Variants in KCNB2 observed in about 807,000 individuals in gnomAD.
KCNB2 encodes delayed rectifier potassium channel protein.
KCNB2 carries 15 observed loss-of-function variants against 61.5 expected under a neutral mutation model. The observed-to-expected ratio is 0.24, with a 90% confidence interval of 0.16 to 0.38. The LOEUF (loss-of-function observed/expected upper bound fraction) is 0.38. Ranked by LOEUF, KCNB2 falls within the 10% of genes least tolerant of loss-of-function variation. The pLI is 1.00. For missense variants in KCNB2, 828 were observed against 1,125.2 expected, an observed-to-expected ratio of 0.74 and a Z score of 3.78; for synonymous variants, 457 against 446.0, an observed-to-expected ratio of 1.02 and a Z score of -0.31.
chr8:72,897,346 C>T (rs1441920843), intron 2 of KCNB2, among the ~76,000 whole-genome samples: 1 of 152,122 alleles, frequency 6.6e-6, no homozygotes, highest in East Asian at 1.9e-4. Flanking sequence ...GATCCTAACT[C>T]ATCCAGTTTA....
chr8:72,599,342 AT>A (rs1446408598), intron 2 of KCNB2, among the ~76,000 whole-genome samples: 1 of 152,234 alleles, frequency 6.6e-6, no homozygotes, highest in African/African-American at 2.4e-5. Flanking sequence ...AAAACAAGCA[AT>A]TGGGAAAGGA....
intron 2 of KCNB2, among the ~76,000 whole-genome samples, chr8:72,663,383 T>C (rs1280175036): frequency 6.6e-6 from 1 of 151,960 alleles, no homozygotes; most frequent in Admixed American, 6.6e-5. Context: ...TTGTGGTAGA[T>C]CTTGGGTAGC....
At chr8:72,624,642 CATTT>C (rs1805761799) in intron 2 of KCNB2, among the ~76,000 whole-genome samples, 1 of 152,126 alleles carries the variant, frequency 6.6e-6, no homozygotes, top group South Asian at 2.1e-4. Context: ...AGTCTGCATT[CATTT>C]GTTTGGTCAA....
intron 2 of KCNB2, among the ~76,000 whole-genome samples, chr8:72,589,301 C>CTA (rs1218740881): frequency 1.3e-5 from 2 of 151,584 alleles, no homozygotes; most frequent in Non-Finnish European, 2.9e-5. Flanking sequence ...TATGTGTCGT[C>CTA]TATTGTCTGT....
At chr8:72,916,550 C>T (rs1806404539) in intron 2 of KCNB2, among the ~76,000 whole-genome samples, 1 of 152,212 alleles carries the variant, frequency 6.6e-6, no homozygotes, top group Non-Finnish European at 1.5e-5. Flanking sequence ...GCTGTTTTAA[C>T]TTTACTGTCT....
chr8:72,736,401 C>T (rs764559488), intron 2 of KCNB2, among the ~76,000 whole-genome samples: 1 of 152,002 alleles, frequency 6.6e-6, no homozygotes, highest in Non-Finnish European at 1.5e-5. Flanking sequence ...TTGGTTTTAT[C>T]CCAAGAGTTG....
intron 2 of KCNB2, among the ~76,000 whole-genome samples, chr8:72,807,553 C>T (rs1809245064): frequency 6.6e-6 from 1 of 152,198 alleles, no homozygotes; most frequent in Non-Finnish European, 1.5e-5. Flanking sequence ...ATCAGACTAA[C>T]CTTGCTTGGA....
At chr8:72,657,644 T>C (rs554270425) in intron 2 of KCNB2, among the ~76,000 whole-genome samples, 1 of 152,256 alleles carries the variant, frequency 6.6e-6, no homozygotes, top group South Asian at 2.1e-4. Flanking sequence ...TGAGCAATTG[T>C]ATACTCACTC....
At chr8:72,678,329 T>C (rs1158501447) in intron 2 of KCNB2, among the ~76,000 whole-genome samples, 3 of 152,206 alleles carry the variant, frequency 2.0e-5, no homozygotes, top group African/African-American at 7.2e-5. Flanking sequence ...CATTACCACC[T>C]GCAGTGGCTT....
intron 1 of KCNB2, among the ~76,000 whole-genome samples, chr8:72,559,842 C>G (rs1380982257): frequency 1.3e-5 from 2 of 152,166 alleles, no homozygotes; most frequent in Non-Finnish European, 2.9e-5. Flanking sequence ...TGGAAAGAGA[C>G]TTGTGTATAG....
intron 2 of KCNB2, among the ~76,000 whole-genome samples, chr8:72,605,038 T>C (rs1313906364): frequency 1.3e-5 from 2 of 152,216 alleles, no homozygotes; most frequent in East Asian, 3.8e-4. Context: ...TGCTGTCACT[T>C]TGGAGACAGC....
intron 2 of KCNB2, among the ~76,000 whole-genome samples, chr8:72,811,814 A>G (rs905401473): frequency 6.6e-6 from 1 of 152,240 alleles, no homozygotes; most frequent in African/African-American, 2.4e-5. Flanking sequence ...CCAAATGTAT[A>G]TATTCAATAA....
intron 2 of KCNB2, among the ~76,000 whole-genome samples, chr8:72,823,022 C>T (rs558287650): frequency 8.1e-5 from 12 of 147,606 alleles, no homozygotes; most frequent in African/African-American, 2.7e-4. Flanking sequence ...CCACTATTTT[C>T]CTAGTGCCCA....
At chr8:72,741,065 C>T (rs1250133367) in intron 2 of KCNB2, among the ~76,000 whole-genome samples, 4 of 152,122 alleles carry the variant, frequency 2.6e-5, no homozygotes, top group Non-Finnish European at 5.9e-5. Flanking sequence ...TTTTCTCTTT[C>T]CATTATGTTT....
chr8:72,583,200 T>G (rs1011471881), intron 2 of KCNB2, among the ~76,000 whole-genome samples: 15 of 152,220 alleles, frequency 9.9e-5, no homozygotes, highest in African/African-American at 3.6e-4. Flanking sequence ...ACTGATGGGA[T>G]TCTCTAATTT....
chr8:72,571,198 A>G (rs1806702857), intron 2 of KCNB2, among the ~76,000 whole-genome samples: 1 of 152,232 alleles, frequency 6.6e-6, no homozygotes, highest in African/African-American at 2.4e-5. Flanking sequence ...TAATCAGTTA[A>G]GTAATAATTG....
At chr8:72,882,541 G>GAGAGAGAGAGAA (rs1306799728) in intron 2 of KCNB2, among the ~76,000 whole-genome samples, 1 of 151,400 alleles carries the variant, frequency 6.6e-6, no homozygotes. Flanking sequence ...GAGAGAGAGA[G>GAGAGAGAGAGAA]AGAGAGAGAG....
chr8:72,655,291 A>C lies in KCNB2; in HGVS notation c.579+86978A>C, dbSNP rs2128986774. Among the ~76,000 whole-genome samples, 4 of 152,180 alleles carry C rather than the reference A, an allele frequency of 2.6e-5. No individual in the cohort carries two copies. In the Middle Eastern group the frequency reaches 0.01, roughly 388 times the overall value. ...AAGAGAACAATAGGCATGAGGGCCTACTTGAGGGTGGGGGATGGGAGGAGG... is the reference window on the plus strand; with the variant it reads ...AAGAGAACAATAGGCATGAGGGCCTCCTTGAGGGTGGGGGATGGGAGGAGG... On this transcript the variant is annotated intron_variant, in intron 2 of 2. Coordinates refer to ENST00000523207, the MANE Select transcript of KCNB2 (RefSeq NM_004770.3).
intron 2 of KCNB2, among the ~76,000 whole-genome samples, chr8:72,725,565 G>GTA (rs111953660): frequency 0.28 from 13,440 of 47,778 alleles, 1,565 homozygotes; most frequent in East Asian, 0.54. Flanking sequence ...ATGTATATAT[G>GTA]TATATATATG....
Sources: gnomAD v4.1 joint callset for allele counts (sites outside exome capture counted in the v4.1 genomes callset) on GRCh38, gnomAD v4.1.1 for gene constraint, MANE v1.5 for transcripts, NCBI Gene and HGNC (gene_info 2026-07-23, HGNC 2026-07-21) for gene names.